The following CADM1 variants were observed in gnomAD, a reference collection of about 807,000 sequenced individuals.
CADM1 encodes the protein cell adhesion molecule 1.
A neutral mutation model predicts 53.1 loss-of-function variants in CADM1; 15 were observed. The ratio of observed to expected loss-of-function variants is 0.28; its 90% confidence interval spans 0.19 to 0.44. The LOEUF (loss-of-function observed/expected upper bound fraction) is 0.44. Among genes scored for constraint, CADM1 ranks in the 20% least tolerant of loss-of-function variants. The pLI, the probability that CADM1 is intolerant of heterozygous loss-of-function variation, is 1.00. For synonymous variants in CADM1, 281 were observed against 243.0 expected (o/e 1.16, Z -1.45); for missense variants, 434 against 611.3 (o/e 0.71, Z 3.06).
At chr11:115,328,295 C>T (rs1327385574) in intron 1 of CADM1, among the ~76,000 whole-genome samples, 2 of 152,096 alleles carry the variant, frequency 1.3e-5, no homozygotes, top group African/African-American at 4.8e-5. Flanking sequence ...TTACTGCATG[C>T]TAATCTCAAC....
intron 11 of CADM1, among the ~76,000 whole-genome samples, chr11:115,176,950 T>C (rs1167375810): frequency 6.6e-6 from 1 of 152,180 alleles, no homozygotes; most frequent in Non-Finnish European, 1.5e-5. Context: ...TGACCAGATA[T>C]GTGCACGTAC....
intron 1 of CADM1, among the ~76,000 whole-genome samples, chr11:115,500,819 G>C (rs1036307831): frequency 1.3e-5 from 2 of 152,174 alleles, no homozygotes; most frequent in African/African-American, 4.8e-5. Flanking sequence ...CCAGGAATCC[G>C]TTACCTTCTG....
At chr11:115,238,353 G>A in intron 3 of CADM1, 147 bp downstream of exon 3, 1 of 874,732 alleles carries the variant, frequency 1.1e-6, no homozygotes, top group Non-Finnish European at 1.9e-6. Context: ...TGGTAAAATA[G>A]GCTATTTTTA....
At chr11:115,188,987 C>A (rs982533973) in intron 10 of CADM1, among the ~76,000 whole-genome samples, 1 of 152,004 alleles carries the variant, frequency 6.6e-6, no homozygotes, top group Non-Finnish European at 1.5e-5. Context: ...GCATCCCCTT[C>A]GAACAAAGGT....
intron 9 of CADM1, among the ~76,000 whole-genome samples, chr11:115,194,785 C>T (rs1386871391): frequency 2.0e-5 from 3 of 152,040 alleles, no homozygotes; most frequent in East Asian, 1.9e-4. Flanking sequence ...TGCTGTCACC[C>T]GACCCCTCAC....
chr11:115,469,789 A>G (rs1948972980), intron 1 of CADM1, among the ~76,000 whole-genome samples: 1 of 147,890 alleles, frequency 6.8e-6, no homozygotes, highest in East Asian at 2.0e-4. Context: ...CTCCTGCCTC[A>G]GCCTCCCGAG....
intron 1 of CADM1, among the ~76,000 whole-genome samples, chr11:115,329,089 A>T (rs1945063595): frequency 6.6e-6 from 1 of 152,056 alleles, no homozygotes; most frequent in Admixed American, 6.5e-5. Flanking sequence ...ATCCCAAAAG[A>T]TCATTTTAGT....
At chr11:115,436,507 A>T (rs1037030994) in intron 1 of CADM1, among the ~76,000 whole-genome samples, 1 of 152,138 alleles carries the variant, frequency 6.6e-6, no homozygotes, top group Non-Finnish European at 1.5e-5. Flanking sequence ...TTCCCTTGTC[A>T]TGAACTGTGA....
intron 1 of CADM1, among the ~76,000 whole-genome samples, chr11:115,304,923 A>T (rs1944324940): frequency 6.6e-6 from 1 of 152,012 alleles, no homozygotes; most frequent in Non-Finnish European, 1.5e-5. Context: ...ATCATTATGT[A>T]AACAATGGCA....
intron 1 of CADM1, among the ~76,000 whole-genome samples, chr11:115,314,498 T>C (rs1286163074): frequency 6.6e-6 from 1 of 152,012 alleles, no homozygotes; most frequent in Admixed American, 6.6e-5. Flanking sequence ...ATAAGCAGAG[T>C]AGATAAGTGA....
chr11:115,194,205 T>C (rs563083517), intron 9 of CADM1: 4 of 152,340 alleles, frequency 2.6e-5, no homozygotes, highest in Admixed American at 1.3e-4. Context: ...GAGATGTACA[T>C]AGAGGCACAT....
chr11:115,364,568 C>G (rs113236940), intron 1 of CADM1, among the ~76,000 whole-genome samples: 4 of 143,848 alleles, frequency 2.8e-5, no homozygotes, highest in African/African-American at 1.0e-4. Context: ...AAAAAAAAAG[C>G]CTTTTTGTTT....
chr11:115,232,894 A>G (rs1348740463), intron 3 of CADM1, among the ~76,000 whole-genome samples: 4 of 152,238 alleles, frequency 2.6e-5, no homozygotes, highest in African/African-American at 4.8e-5. Context: ...AAGAAATTAA[A>G]TATGTATAAA....
rs369555795 is a variant in CADM1, at chr11:115,484,815, C to T, written c.124+19456G>A. Among the ~76,000 whole-genome samples, 87 of 151,946 alleles carry T rather than the reference C, an allele frequency of 5.7e-4. No homozygotes were observed. The East Asian group carries it at 0.014, about 25-fold the overall frequency. Reference sequence around the variant, plus strand: ...ACAAAAAATTAGCCGGGCGTGGTGGCGGGCGCCTGTAGTCCCAGCTACTCA... The same window carrying T: ...ACAAAAAATTAGCCGGGCGTGGTGGTGGGCGCCTGTAGTCCCAGCTACTCA... On this transcript the variant is annotated intron_variant, in intron 1 of 11. Coordinates refer to ENST00000331581, the MANE Select transcript of CADM1 (RefSeq NM_001301043.2).
chr11:115,431,879 A>G (rs1418828828), intron 1 of CADM1, among the ~76,000 whole-genome samples: 2 of 151,784 alleles, frequency 1.3e-5, no homozygotes, highest in African/African-American at 4.8e-5. Context: ...TTACAATTGT[A>G]TATTTGTGTG....
intron 6 of CADM1, among the ~76,000 whole-genome samples, chr11:115,216,611 C>T (rs910137740): frequency 6.6e-6 from 1 of 152,172 alleles, no homozygotes; most frequent in Non-Finnish European, 1.5e-5. Flanking sequence ...AAGCTCGAAG[C>T]ATTCAAAACC....
intron 1 of CADM1, among the ~76,000 whole-genome samples, chr11:115,344,852 T>C (rs571592588): frequency 1.3e-5 from 2 of 152,278 alleles, no homozygotes; most frequent in Admixed American, 6.5e-5. Context: ...ATCCTCAATG[T>C]TTCCCCATTA....
intron 5 of CADM1, among the ~76,000 whole-genome samples, chr11:115,225,281 G>A (rs1359363014): frequency 6.8e-6 from 1 of 147,076 alleles, no homozygotes; most frequent in Non-Finnish European, 1.5e-5. Flanking sequence ...ACACTTGGCT[G>A]ATTGTGGTGC....
chr11:115,198,432 G>A lies in CADM1; in HGVS notation c.1085C>T (p.Thr362Met), dbSNP rs182462702. Reference protein sequence around the residue: ...TTILTIITDTTATTEPAVHGL... With the variant: ...TTILTIITDTMATTEPAVHGL... ...GTGAACTGCTGGTTCTGTCGTCGCCGTTGTGTCTACAGACGGGAACAGAGG... is the reference window on the plus strand; with the variant it reads ...GTGAACTGCTGGTTCTGTCGTCGCCATTGTGTCTACAGACGGGAACAGAGG... The change falls in exon 9 of 12, where the codon ACG (threonine) becomes ATG (methionine). Residue 362 changes from threonine to methionine, a missense_variant. Coordinates refer to ENST00000331581, the MANE Select transcript of CADM1 (RefSeq NM_001301043.2). 5.4e-5 allele frequency: 86 copies of A among 1,595,358 alleles called. No homozygotes were observed. The African/African-American group carries it at 9.1e-4, about 17-fold the overall frequency.
Sources: allele counts gnomAD v4.1 joint callset (sites outside exome capture counted in the v4.1 genomes callset), GRCh38; gene constraint gnomAD v4.1.1; transcripts MANE v1.5; gene names NCBI Gene and HGNC (gene_info 2026-07-23, HGNC 2026-07-21).